The following SYT1 variants were observed in gnomAD, a reference collection of about 807,000 sequenced individuals.
SYT1 encodes the protein synaptotagmin-1.
Under a neutral mutation model 44.8 loss-of-function variants are expected in SYT1, and 8 were observed. The observed-to-expected ratio is 0.18, with a 90% confidence interval of 0.10 to 0.32. SYT1 has a LOEUF of 0.32. Ranked by LOEUF, SYT1 falls within the 10% of genes least tolerant of loss-of-function variation. The pLI is 1.00. For missense variants in SYT1, 286 were observed against 509.3 expected (o/e 0.56, Z 4.22); for synonymous variants, 154 against 188.8 (o/e 0.82, Z 1.51).
chr12:79,406,447 C>A (rs1471489167), intron 9 of SYT1, among the ~76,000 whole-genome samples: 2 of 152,136 alleles, frequency 1.3e-5, no homozygotes, highest in African/African-American at 4.8e-5. Context: ...TTGGTGGCAG[C>A]AGAAATGAAC....
intron 3 of SYT1, among the ~76,000 whole-genome samples, chr12:79,063,566 T>A (rs1875542901): frequency 6.6e-6 from 1 of 152,046 alleles, no homozygotes; most frequent in East Asian, 1.9e-4. Flanking sequence ...TACACATAAG[T>A]GGAGGAGGGG....
At chr12:79,007,856 A>C (rs994645907) in intron 2 of SYT1, among the ~76,000 whole-genome samples, 1 of 152,030 alleles carries the variant, frequency 6.6e-6, no homozygotes, top group Non-Finnish European at 1.5e-5. Context: ...TAGGAAATGC[A>C]TGTGGATAAA....
intron 1 of SYT1, among the ~76,000 whole-genome samples, chr12:78,941,739 T>C (rs1878387293): frequency 6.6e-6 from 1 of 152,206 alleles, no homozygotes; most frequent in South Asian, 2.1e-4. Flanking sequence ...CATCTTACAT[T>C]TCTTTATAAA....
At chr12:79,026,671 A>ATATATATATATC (rs1173386562) in intron 2 of SYT1, among the ~76,000 whole-genome samples, 1 of 70,966 alleles carries the variant, frequency 1.4e-5, no homozygotes. Context: ...TATATTTTAT[A>ATATATATATATC]TATATATATA....
chr12:79,274,275 C>G (rs543256847), intron 4 of SYT1, among the ~76,000 whole-genome samples: 1 of 152,214 alleles, frequency 6.6e-6, no homozygotes, highest in South Asian at 2.1e-4. Flanking sequence ...TTGTTTGTGT[C>G]TTGAGTGGGA....
At chr12:79,266,672 T>A (rs10861753) in intron 4 of SYT1, among the ~76,000 whole-genome samples, 44,063 of 152,004 alleles carry the variant, frequency 0.29, 6,930 homozygotes, top group East Asian at 0.58. Flanking sequence ...TAGAATAAAG[T>A]TGACAGTTTA....
chr12:79,084,011 G>A (rs2137965342), intron 3 of SYT1, among the ~76,000 whole-genome samples: 1 of 152,260 alleles, frequency 6.6e-6, no homozygotes, highest in Middle Eastern at 3.4e-3. Flanking sequence ...CAGGTTGAGG[G>A]TGTCCTATGT....
At chr12:79,321,324 G>C (rs1170376172) in intron 8 of SYT1, among the ~76,000 whole-genome samples, 1 of 152,164 alleles carries the variant, frequency 6.6e-6, no homozygotes, top group African/African-American at 2.4e-5. Context: ...TAAATTCCTA[G>C]TATTGGGAGT....
In SYT1 at chr12:79,444,150, C is replaced by G; in HGVS notation, c.1006C>G (p.Leu336Val). Residue 336 changes from leucine to valine, a missense_variant, in exon 10 of 11, where the codon CTT becomes GTT. Physicochemically the swap from Leu to Val is conservative, Grantham distance 32. Coordinates refer to ENST00000261205, the MANE Select transcript of SYT1 (RefSeq NM_005639.3). ...KKKTTIKKNT[L>V]NPYYNESFSF... The stretch of plus-strand genomic sequence containing the variant: ...AAAGACAACAATTAAAAAGAACACA[C>G]TTAACCCCTACTACAATGAGTCATT... The G allele has an allele frequency of 6.2e-7, 1 of 1,613,748 alleles. No homozygotes were observed. Among genetic ancestry groups the G allele is most frequent in the Non-Finnish European group, 8.5e-7 (1 of 1,179,710 alleles).
intron 2 of SYT1, among the ~76,000 whole-genome samples, chr12:79,014,559 A>G (rs1378643178): frequency 1.3e-5 from 2 of 152,060 alleles, no homozygotes; most frequent in East Asian, 3.9e-4. Flanking sequence ...AAGTCAGGAA[A>G]CAACAGGTGC....
At chr12:79,428,002 A>G (rs1047342937) in intron 9 of SYT1, among the ~76,000 whole-genome samples, 1 of 152,234 alleles carries the variant, frequency 6.6e-6, no homozygotes, top group African/African-American at 2.4e-5. Flanking sequence ...ATGTTGAATT[A>G]CAATGAATGT....
chr12:79,346,167 G>A (rs909337557), intron 8 of SYT1, among the ~76,000 whole-genome samples: 1 of 152,156 alleles, frequency 6.6e-6, no homozygotes, highest in African/African-American at 2.4e-5. Flanking sequence ...GGGCTACAGA[G>A]CCATTAAATA....
chr12:79,245,111 G>T (rs1030097883), intron 4 of SYT1, among the ~76,000 whole-genome samples: 2 of 151,970 alleles, frequency 1.3e-5, no homozygotes, highest in African/African-American at 4.8e-5. Context: ...ATGACACTTT[G>T]GTCTTTGCTT....
In SYT1 at chr12:79,368,129, T is replaced by A. The variant is rs978991608; in HGVS notation, c.928+14510T>A. ...GTTCTCATTGTTCAATTCCCACCTA[T>A]GAGTGAGAACACGCGGTGTTTGATT... On this transcript the variant is annotated intron_variant, in intron 9 of 10. Transcript: ENST00000261205. 3.4e-5 allele frequency among the ~76,000 whole-genome samples: 5 copies of A among 147,526 alleles called. No individual in the cohort carries two copies. In the South Asian group the frequency reaches 1.1e-3, roughly 32 times the overall value.
chr12:79,302,640 G>A (rs547027321), intron 8 of SYT1, among the ~76,000 whole-genome samples: 25 of 152,194 alleles, frequency 1.6e-4, no homozygotes, highest in African/African-American at 5.5e-4. Context: ...CCCACTATTC[G>A]ATTCTATCCC....
intron 1 of SYT1, among the ~76,000 whole-genome samples, chr12:78,943,561 A>T (rs748093337): frequency 2.5e-4 from 38 of 152,188 alleles, no homozygotes; most frequent in Non-Finnish European, 4.7e-4. Context: ...ATCTCCCACC[A>T]GGCCCCCTCT....
intron 8 of SYT1, among the ~76,000 whole-genome samples, chr12:79,349,572 T>G (rs1882797711): frequency 6.6e-6 from 1 of 152,072 alleles, no homozygotes; most frequent in African/African-American, 2.4e-5. Flanking sequence ...TCTTTATATA[T>G]AAAATGGACA....
intron 1 of SYT1, among the ~76,000 whole-genome samples, chr12:78,919,174 GTC>G (rs763218282): frequency 6.6e-6 from 1 of 151,886 alleles, no homozygotes; most frequent in Non-Finnish European, 1.5e-5. Flanking sequence ...TGTAATGAAA[GTC>G]TGTGTAATTA....
At chr12:79,106,221 G>A (rs938071560) in intron 3 of SYT1, among the ~76,000 whole-genome samples, 6 of 152,072 alleles carry the variant, frequency 3.9e-5, no homozygotes, top group South Asian at 2.1e-4. Flanking sequence ...TCAGATTGCC[G>A]GTTGGATTGT....
Sources: gnomAD v4.1 joint callset for allele counts (sites outside exome capture counted in the v4.1 genomes callset) on GRCh38, gnomAD v4.1.1 for gene constraint, MANE v1.5 for transcripts, NCBI Gene and HGNC (gene_info 2026-07-23, HGNC 2026-07-21) for gene names.